The following CD2AP variants were observed in gnomAD, a reference collection of about 807,000 sequenced individuals.
The protein encoded by CD2AP is CD2-associated protein.
CD2AP carries 46 observed loss-of-function variants against 85.1 expected under a neutral mutation model. The observed-to-expected ratio is 0.54, with a 90% CI of 0.43 to 0.69. CD2AP has a LOEUF of 0.69. Among genes scored for constraint, CD2AP ranks in the 30% least tolerant of loss-of-function variants. CD2AP has a pLI of 0.00. For missense variants in CD2AP, 769 were observed against 729.5 expected, an observed-to-expected ratio of 1.05 and a Z score of -0.62; for synonymous variants, 255 against 252.9, an observed-to-expected ratio of 1.01 and a Z score of -0.08.
chr6:47,599,511 A>T, intron 13 of CD2AP, 68 bp downstream of exon 13: 1 of 1,362,918 alleles, frequency 7.3e-7, no homozygotes, highest in Non-Finnish European at 1.0e-6. Context: ...TTTAAGAGAT[A>T]TATTTATGCA....
chr6:47,549,400 A>G (rs1435110802), intron 4 of CD2AP, among the ~76,000 whole-genome samples: 4 of 151,262 alleles, frequency 2.6e-5, no homozygotes, highest in Admixed American at 1.3e-4. Context: ...GCTCTTTTAT[A>G]TACCAACAGC....
At chr6:47,487,558 CG>C (rs1561999161) in intron 1 of CD2AP, among the ~76,000 whole-genome samples, 1 of 151,978 alleles carries the variant, frequency 6.6e-6, no homozygotes, top group African/African-American at 2.4e-5. Context: ...GGCATGGTGG[CG>C]GGCGCCTGTA....
rs536104192 is a variant in CD2AP at position 47,617,409 on chromosome 6, C to T, written c.1878+4873C>T. 3.9e-5 allele frequency among the ~76,000 whole-genome samples: 6 copies of T among 152,246 alleles called. No individual in the cohort carries two copies. In the South Asian group the frequency reaches 1.0e-3, roughly 26 times the overall value. ...GTGCCTCTCCCCTCTAAATCAAATT[C>T]GTATTTTCCCAGCTTGTATCCTGTG... On this transcript the variant is annotated intron_variant, in intron 17 of 17. Coordinates refer to ENST00000359314, the MANE Select transcript of CD2AP (RefSeq NM_012120.3).
intron 3 of CD2AP, among the ~76,000 whole-genome samples, chr6:47,544,280 A>G (rs1218395029): frequency 3.3e-5 from 5 of 152,204 alleles, no homozygotes; most frequent in Admixed American, 6.5e-5. Flanking sequence ...GGACTTGTCT[A>G]TGATGAATTT....
chr6:47,605,116 A>T (rs1027485884), intron 13 of CD2AP, among the ~76,000 whole-genome samples: 2 of 152,044 alleles, frequency 1.3e-5, no homozygotes, highest in African/African-American at 2.4e-5. Flanking sequence ...TCTGACAGAA[A>T]GTATTATAAA....
intron 13 of CD2AP, among the ~76,000 whole-genome samples, chr6:47,600,405 TATAAA>T (rs1344534128): frequency 6.6e-6 from 1 of 151,996 alleles, no homozygotes; most frequent in Non-Finnish European, 1.5e-5. Context: ...ATTACCTTAT[TATAAA>T]ATATGCTATT....
chr6:47,521,074 G>A (rs770126997), intron 2 of CD2AP, among the ~76,000 whole-genome samples: 13 of 151,968 alleles, frequency 8.6e-5, no homozygotes, highest in Non-Finnish European at 1.8e-4. Flanking sequence ...ACATATGTAA[G>A]GTCCAGAGCT....
intron 1 of CD2AP, among the ~76,000 whole-genome samples, chr6:47,498,877 G>A (rs1582478914): frequency 6.6e-6 from 1 of 152,096 alleles, no homozygotes; most frequent in African/African-American, 2.4e-5. Context: ...GTATTTTAGT[G>A]TGTATTTTTA....
intron 11 of CD2AP, among the ~76,000 whole-genome samples, chr6:47,591,313 AT>A (rs970744385): frequency 1.3e-5 from 2 of 152,108 alleles, no homozygotes; most frequent in Non-Finnish European, 2.9e-5. Flanking sequence ...TTCTTGGCCT[AT>A]GTGGTGGTTA....
At chr6:47,565,746 T>G (rs1767974843) in intron 5 of CD2AP, among the ~76,000 whole-genome samples, 1 of 152,172 alleles carries the variant, frequency 6.6e-6, no homozygotes, top group African/African-American at 2.4e-5. Context: ...TCTATTTTCT[T>G]TTTACCACCT....
intron 12 of CD2AP, among the ~76,000 whole-genome samples, chr6:47,596,900 C>G (rs1768966741): frequency 6.6e-6 from 1 of 151,886 alleles, no homozygotes; most frequent in East Asian, 1.9e-4. Context: ...GTTCCCTTTC[C>G]TTAAGATGCT....
intron 3 of CD2AP, among the ~76,000 whole-genome samples, chr6:47,538,476 C>A (rs558274902): frequency 6.6e-6 from 1 of 152,054 alleles, no homozygotes; most frequent in Admixed American, 6.6e-5. Flanking sequence ...GAACTCCTGA[C>A]CTCAGGTGAT....
intron 11 of CD2AP, among the ~76,000 whole-genome samples, chr6:47,592,320 C>T (rs535825924): frequency 6.6e-6 from 1 of 152,102 alleles, no homozygotes; most frequent in South Asian, 2.1e-4. Context: ...AGTTGGAGCC[C>T]TACCCCACAC....
chr6:47,539,561 G>T (rs1396405666), intron 3 of CD2AP, among the ~76,000 whole-genome samples: 1 of 152,180 alleles, frequency 6.6e-6, no homozygotes, highest in African/African-American at 2.4e-5. Context: ...TTAGAAGTGG[G>T]CATAATATTC....
Position 47,624,339 on chromosome 6 carries a change from C to A in CD2AP, c.*112C>A. On this transcript the variant is annotated 3_prime_UTR_variant, in exon 18 of 18. Transcript: ENST00000359314. ...ATTCTGTTGTTGTGATAAATATGAG[C>A]AAATGAAGTGTAATATCTATAGAAA... 1 of 814,708 alleles carries A rather than the reference C, an allele frequency of 1.2e-6. No individual in the cohort carries two copies. The highest frequency in any genetic ancestry group is 2.1e-6 in the Non-Finnish European group (1 of 468,706). The allele number at this position is 814,708 out of a possible 1,614,324, so 50.5% of individuals were successfully genotyped here.
Position 47,624,230 on chromosome 6 carries a change from G to T in CD2AP, c.*3G>T. On this transcript the variant is annotated 3_prime_UTR_variant, in exon 18 of 18. Coordinates refer to ENST00000359314, the MANE Select transcript of CD2AP (RefSeq NM_012120.3). ...AAAAAGCTGTCCTGTCTTCTTGAGT[G>T]GTGTGGACCTGGTGTTCATAATGTT... 6.2e-7 allele frequency: 1 copy of T among 1,609,796 alleles called. No homozygotes were observed. Among genetic ancestry groups the T allele is most frequent in the South Asian group, 1.1e-5 (1 of 90,958 alleles).
chr6:47,569,014 G>A (rs1374863068), intron 5 of CD2AP, among the ~76,000 whole-genome samples: 1 of 152,184 alleles, frequency 6.6e-6, no homozygotes, highest in Non-Finnish European at 1.5e-5. Context: ...GGGAGGTTAA[G>A]TAAAAGAGAT....
At chr6:47,543,045 G>A (rs1767261514) in intron 3 of CD2AP, among the ~76,000 whole-genome samples, 1 of 150,516 alleles carries the variant, frequency 6.6e-6, no homozygotes. Flanking sequence ...CAGCTACTCA[G>A]GAGGCTGAGG....
intron 11 of CD2AP, among the ~76,000 whole-genome samples, chr6:47,590,341 T>C (rs1054138989): frequency 1.3e-5 from 2 of 152,072 alleles, no homozygotes; most frequent in Admixed American, 6.6e-5. Flanking sequence ...TATAAGTATA[T>C]ATAAATATAT....
Sources: allele counts gnomAD v4.1 joint callset (sites outside exome capture counted in the v4.1 genomes callset), GRCh38; gene constraint gnomAD v4.1.1; transcripts MANE v1.5; gene names NCBI Gene and HGNC (gene_info 2026-07-23, HGNC 2026-07-21).